ZNF169: variants seen among roughly 807,000 people sequenced by gnomAD.
The protein encoded by ZNF169 is zinc finger protein 169.
A neutral mutation model predicts 12.0 loss-of-function variants in ZNF169; 11 were observed. The observed-to-expected ratio is 0.92, with a 90% CI of 0.58 to 1.52. The LOEUF (loss-of-function observed/expected upper bound fraction) is 1.52. Ranked by LOEUF, ZNF169 falls within the 40% of genes most tolerant of loss-of-function variation. The probability of loss-of-function intolerance (pLI) is 0.00; values close to 1 mark genes in which losing one functional copy is unlikely to be tolerated. For missense variants in ZNF169, 722 were observed against 744.0 expected (o/e 0.97, Z 0.34); for synonymous variants, 302 against 286.5 (o/e 1.05, Z -0.55).
intron 1 of ZNF169, among the ~76,000 whole-genome samples, chr9:94,264,484 G>T (rs1468652258): frequency 6.6e-6 from 1 of 152,060 alleles, no homozygotes; most frequent in African/African-American, 2.4e-5. Flanking sequence ...GTCTTTTTTG[G>T]GTGTGAACGT....
rs567193719 is a variant in ZNF169, at chr9:94,278,598, T to C, written c.-55-160T>C. Among the ~76,000 whole-genome samples, 3 of 152,332 alleles carry C rather than the reference T, an allele frequency of 2.0e-5. No homozygotes were observed. In the East Asian group the frequency reaches 5.8e-4, roughly 29 times the overall value. ...TTGCTGGCCCAGCTCTGTGGGCTTTTTTTATGAGACACTGGCTAAGAATGG... is the reference window on the plus strand; with the variant it reads ...TTGCTGGCCCAGCTCTGTGGGCTTTCTTTATGAGACACTGGCTAAGAATGG... On this transcript the variant is annotated intron_variant, in intron 1 of 4. Coordinates refer to ENST00000395395, the MANE Select transcript of ZNF169 (RefSeq NM_194320.4).
intron 2 of ZNF169, among the ~76,000 whole-genome samples, chr9:94,282,790 G>T (rs1163663825): frequency 1.3e-5 from 2 of 152,130 alleles, no homozygotes; most frequent in Non-Finnish European, 2.9e-5. Context: ...ATTTGTGTAA[G>T]ATTCCTGGTT....
chr9:94,264,680 C>T (rs1483895718), intron 1 of ZNF169, among the ~76,000 whole-genome samples: 1 of 152,160 alleles, frequency 6.6e-6, no homozygotes, highest in East Asian at 1.9e-4. Context: ...AAAATCACAA[C>T]TCTTAAGTGT....
intron 3 of ZNF169, 52 bp from the exon 4 acceptor site, chr9:94,292,922 C>A: frequency 6.7e-7 from 1 of 1,495,708 alleles, no homozygotes; most frequent in Non-Finnish European, 9.2e-7. Context: ...TCTGAGATAG[C>A]CTCTTAAGCC....
intron 1 of ZNF169, among the ~76,000 whole-genome samples, chr9:94,271,509 C>T (rs1329350409): frequency 6.6e-6 from 1 of 151,980 alleles, no homozygotes; most frequent in African/African-American, 2.4e-5. Context: ...ATCACTCGGT[C>T]AAAAGATCCA....
chr9:94,271,357 A>G (rs1040904103), intron 1 of ZNF169, among the ~76,000 whole-genome samples: 26 of 151,868 alleles, frequency 1.7e-4, no homozygotes, highest in Non-Finnish European at 3.7e-4. Flanking sequence ...TCAGTTCCCC[A>G]AAGTGCTGGG....
At chr9:94,262,496 TCGC>T (rs1045195353) in intron 1 of ZNF169, among the ~76,000 whole-genome samples, 6 of 152,100 alleles carry the variant, frequency 3.9e-5, no homozygotes. Context: ...TTTCACTCTG[TCGC>T]CCAGGCTGGA....
chr9:94,300,556 T>C lies in ZNF169; in HGVS notation c.998T>C (p.Leu333Pro). 1.2e-6 allele frequency: 2 copies of C among 1,614,064 alleles called. No individual in the cohort carries two copies. The highest frequency in any genetic ancestry group is 1.7e-6 in the Non-Finnish European group (2 of 1,179,978). ...CGRGFRQKIA[L>P]LLHQRTHLEE... ...CGAGGCTTTCGCCAGAAGATAGCCC[T>C]CCTTCTACACCAGAGGACGCACTTG... The change falls in exon 5 of 5, where the codon CTC becomes CCC. Residue 333 changes from leucine (L) to proline (P), a missense_variant. Physicochemically the swap from Leu to Pro is moderately conservative, Grantham distance 98. Coordinates refer to ENST00000395395, the MANE Select transcript of ZNF169 (RefSeq NM_194320.4).
intron 2 of ZNF169, chr9:94,288,456 T>C (rs961748950): frequency 9.4e-7 from 1 of 1,065,436 alleles, no homozygotes; most frequent in Non-Finnish European, 1.4e-6. Flanking sequence ...TCTCTTTTGT[T>C]TTCAAATCAA....
intron 1 of ZNF169, among the ~76,000 whole-genome samples, chr9:94,270,859 ATAAT>A (rs1830399234): frequency 6.3e-5 from 1 of 15,906 alleles, no homozygotes; most frequent in East Asian, 1.6e-3. Flanking sequence ...ATAAATATAT[ATAAT>A]AATATATATA....
chr9:94,287,784 T>C, intron 2 of ZNF169: 1 of 1,354,436 alleles, frequency 7.4e-7, no homozygotes, highest in Non-Finnish European at 1.1e-6. Flanking sequence ...CAGTGTCAGT[T>C]TGATACCTGG....
intron 2 of ZNF169, chr9:94,288,264 C>T: frequency 2.5e-6 from 2 of 807,338 alleles, no homozygotes; most frequent in Non-Finnish European, 4.4e-6. Flanking sequence ...TGAAGGTCAG[C>T]TTCAGTTCAC....
chr9:94,295,336 AT>A (rs1830928773), intron 4 of ZNF169: 2 of 152,244 alleles, frequency 1.3e-5, no homozygotes, highest in African/African-American at 2.4e-5. Flanking sequence ...TCAAAAAAAA[AT>A]AAAGTAAAAT....
Position 94,299,873 on chromosome 9 carries a change from G to C in ZNF169, c.315G>C (p.Gln105His). 1 of 1,614,084 alleles carries C rather than the reference G, an allele frequency of 6.2e-7. No homozygotes were observed. The highest frequency in any genetic ancestry group is 1.3e-5 in the African/African-American group (1 of 75,014). The change falls in exon 5 of 5, where the codon CAG becomes CAC. Residue 105 changes from glutamine (Q) to histidine (H), a missense_variant. By Grantham distance (24) the Gln-to-His change is conservative. Coordinates refer to ENST00000395395, the MANE Select transcript of ZNF169 (RefSeq NM_194320.4). ...FPHLVAFSSS[Q>H]LLRQYALSGH... ...ACCTGGTGGCCTTTTCTAGCTCGCAGCTCCTCAGACAATATGCGCTAAGTG... is the reference window on the plus strand; with the variant it reads ...ACCTGGTGGCCTTTTCTAGCTCGCACCTCCTCAGACAATATGCGCTAAGTG...
At chr9:94,278,204 C>T (rs919457868) in intron 1 of ZNF169, among the ~76,000 whole-genome samples, 4 of 152,200 alleles carry the variant, frequency 2.6e-5, no homozygotes, top group African/African-American at 9.7e-5. Context: ...CAGTTACTGA[C>T]TGCCTGTTCC....
intron 4 of ZNF169, among the ~76,000 whole-genome samples, chr9:94,298,863 T>C (rs1211479328): frequency 6.6e-6 from 1 of 152,140 alleles, no homozygotes; most frequent in Non-Finnish European, 1.5e-5. Context: ...TTATCTCCAA[T>C]TGGCAGCCTA....
chr9:94,300,517 G>A lies in ZNF169; in HGVS notation c.959G>A (p.Cys320Tyr). Residue 320 changes from cysteine (C) to tyrosine (Y), a missense_variant, in exon 5 of 5, where the codon TGT becomes TAT. Physicochemically the swap from Cys to Tyr is radical, Grantham distance 194 (BLOSUM62 -2). Coordinates refer to ENST00000395395, the MANE Select transcript of ZNF169 (RefSeq NM_194320.4). ...RIHSGERPFV[C>Y]QECGRGFRQK... ...CACTCCGGGGAGAGGCCCTTTGTAT[G>A]TCAGGAGTGTGGGCGAGGCTTTCGC... 6.2e-7 allele frequency: 1 copy of A among 1,614,236 alleles called. No individual in the cohort carries two copies. Among genetic ancestry groups the A allele is most frequent in the Non-Finnish European group, 8.5e-7 (1 of 1,180,042 alleles).
At position 94,292,669 on chromosome 9, in the gene ZNF169, G is replaced by A; in HGVS notation, c.160+202G>A. 1.5e-5 allele frequency: 11 copies of A among 720,878 alleles called. 1 individual carries two copies. The South Asian group carries it at 1.9e-4, about 13-fold the overall frequency. The allele number at this position is 720,878 out of a possible 1,614,324, so 44.7% of individuals were successfully genotyped here. ...CGTGCACATGCTGTGAGCGTGTGGT[G>A]TGTCTGACACTGCATTTTTCAGGCC... is the stretch of plus-strand genomic sequence containing the variant. On this transcript the variant is annotated intron_variant, in intron 3 of 4. Coordinates refer to ENST00000395395, the MANE Select transcript of ZNF169 (RefSeq NM_194320.4).
intron 2 of ZNF169, among the ~76,000 whole-genome samples, chr9:94,282,313 C>T (rs1830653908): frequency 6.6e-6 from 1 of 152,144 alleles, no homozygotes; most frequent in African/African-American, 2.4e-5. Context: ...CTCAGGAAGT[C>T]CTGACAACAT....
Sources: gnomAD v4.1 joint callset for allele counts (sites outside exome capture counted in the v4.1 genomes callset) on GRCh38, gnomAD v4.1.1 for gene constraint, MANE v1.5 for transcripts, NCBI Gene and HGNC (gene_info 2026-07-23, HGNC 2026-07-21) for gene names.